Variants in NUCB2 observed in about 807,000 individuals in gnomAD.
The protein encoded by NUCB2 is nucleobindin-2.
A neutral mutation model predicts 57.9 loss-of-function variants in NUCB2; 48 were observed. The observed-to-expected ratio is 0.83, with a 90% CI of 0.66 to 1.05. NUCB2 has a LOEUF of 1.05. Among genes scored for constraint, NUCB2 ranks in the 50% least tolerant of loss-of-function variants. The pLI is 0.00. For missense variants in NUCB2, 442 were observed against 476.2 expected (o/e 0.93, Z 0.67); for synonymous variants, 139 against 152.1 (o/e 0.91, Z 0.64).
intron 2 of NUCB2, among the ~76,000 whole-genome samples, chr11:17,345,479 C>T (rs1306341339): frequency 1.3e-5 from 2 of 152,098 alleles, no homozygotes; most frequent in African/African-American, 2.4e-5. Flanking sequence ...GAGGCCAAGG[C>T]GGGTGGATCA....
chr11:17,294,678 TAAAAAAAAA>T lies in NUCB2; in HGVS notation c.1-631_1-623del, dbSNP rs34406631. Among the ~76,000 whole-genome samples the T allele has an allele frequency of 7.8e-5, 8 of 102,652 alleles. No homozygotes were observed. The South Asian group carries it at 1.6e-3, about 21-fold the overall frequency. The allele number at this position is 102,652 out of a possible 152,430, so 67.3% of individuals were successfully genotyped here. A position where few individuals can be genotyped will look rare whatever the true frequency, so the allele number is the denominator to read the frequency against. ...GTTCTGTGGGTAAAACGTGTTGCCT[TAAAAAAAAA>T]AAAAAAAAAAAAAAGCCATGGCTAG... On this transcript the variant is annotated intron_variant, in intron 2 of 13. Coordinates refer to ENST00000529010, the MANE Select transcript of NUCB2 (RefSeq NM_005013.4).
chr11:17,300,914 T>A (rs1946597900), intron 4 of NUCB2, among the ~76,000 whole-genome samples: 1 of 152,098 alleles, frequency 6.6e-6, no homozygotes, highest in Non-Finnish European at 1.5e-5. Context: ...TTAATGATGC[T>A]TTTCTAAATT....
At chr11:17,334,428 C>T (rs1951642079), downstream of NUCB2, 1 of 152,292 alleles carries the variant, frequency 6.6e-6, no homozygotes, top group Non-Finnish European at 1.5e-5. Flanking sequence ...AAAATAGATA[C>T]ATCTCTTCCT....
In NUCB2 at chr11:17,292,979, T is replaced by C. The variant is rs576633066; in HGVS notation, c.1-2345T>C. On this transcript the variant is annotated intron_variant, in intron 2 of 13. Coordinates refer to ENST00000529010, the MANE Select transcript of NUCB2 (RefSeq NM_005013.4). ...CTTCAAGATGTTGTCAGCGGCTAGG[T>C]GCAGTGGCTCATGCCTGTAATTTCA... Among the ~76,000 whole-genome samples, 460 of 152,180 alleles carry C rather than the reference T, an allele frequency of 3.0e-3. 1 individual carries two copies. The highest frequency in any genetic ancestry group is 0.011 in the African/African-American group (450 of 41,536).
intron 11 of NUCB2, among the ~76,000 whole-genome samples, chr11:17,318,973 C>T (rs550737249): frequency 6.6e-6 from 1 of 151,954 alleles, no homozygotes; most frequent in Admixed American, 6.6e-5. Flanking sequence ...GAGTTTGAGA[C>T]CAGTCTGGGC....
Position 17,318,787 on chromosome 11 carries a change from A to G in NUCB2, c.1002+3312A>G, listed in dbSNP as rs558319221. Among the ~76,000 whole-genome samples, 10 of 152,312 alleles carry G rather than the reference A, an allele frequency of 6.6e-5. No homozygotes were observed. In the East Asian group the frequency reaches 1.9e-3, roughly 29 times the overall value. On this transcript the variant is annotated intron_variant, in intron 11 of 13. Coordinates refer to ENST00000529010, the MANE Select transcript of NUCB2 (RefSeq NM_005013.4). ...GAAGCCACGAGTCTACACTGATATA[A>G]GTAGAGGGAGAGAGAAGGCCGAATT...
At chr11:17,307,851 A>C (rs188612125) in intron 5 of NUCB2, among the ~76,000 whole-genome samples, 1 of 152,278 alleles carries the variant, frequency 6.6e-6, no homozygotes, top group African/African-American at 2.4e-5. Flanking sequence ...ATTTGCCTCC[A>C]TAGAGGTTGT....
chr11:17,332,892 T>G (rs1449030172), downstream of NUCB2: 1 of 152,098 alleles, frequency 6.6e-6, no homozygotes, highest in African/African-American at 2.4e-5. Flanking sequence ...CATTTTTTTT[T>G]GTAGAGATGG....
At position 17,295,451 on chromosome 11, in the gene NUCB2, C is replaced by T. The variant is rs763115401; in HGVS notation, c.128C>T (p.Ala43Val). 3.7e-6 allele frequency: 6 copies of T among 1,608,912 alleles called. No individual in the cohort carries two copies. Among genetic ancestry groups the T allele is most frequent in the South Asian group, 3.3e-5 (3 of 90,254 alleles). The change falls in exon 3 of 14, where the codon GCG becomes GTG. Residue 43 changes from alanine (A) to valine (V), a missense_variant. Coordinates refer to ENST00000529010, the MANE Select transcript of NUCB2 (RefSeq NM_005013.4). ...CAAAATATTCACCCTGTGGAAAGTG[C>T]GAAGATAGAACCACCAGTAAGTGAA... ...KVQNIHPVES[A>V]KIEPPDTGLY...
chr11:17,337,586 A>G (rs1208018522), intron 2 of NUCB2: 2 of 152,198 alleles, frequency 1.3e-5, no homozygotes, highest in Non-Finnish European at 1.5e-5. Context: ...TGAGTGACAA[A>G]ATGTCTGCTT....
intron 5 of NUCB2, among the ~76,000 whole-genome samples, chr11:17,303,388 T>G (rs1170833101): frequency 6.6e-6 from 1 of 152,142 alleles, no homozygotes; most frequent in Non-Finnish European, 1.5e-5. Context: ...GACTTAATAT[T>G]AGGAAATCTA....
At chr11:17,311,612 A>G (rs1948493670) in intron 8 of NUCB2, among the ~76,000 whole-genome samples, 1 of 152,184 alleles carries the variant, frequency 6.6e-6, no homozygotes, top group African/African-American at 2.4e-5. Flanking sequence ...ACTCTCATAG[A>G]ATATTGCTTT....
At chr11:17,317,667 T>C in intron 11 of NUCB2, 1 of 279,276 alleles carries the variant, frequency 3.6e-6, no homozygotes, top group East Asian at 1.0e-4. Context: ...ATGCTCAGTG[T>C]ATCCTATTAG....
At chr11:17,295,635 A>G (rs1945710210) in intron 3 of NUCB2, 168 bp downstream of exon 3, 2 of 600,368 alleles carry the variant, frequency 3.3e-6, no homozygotes, top group African/African-American at 1.9e-5. Flanking sequence ...CTTGGGAACT[A>G]TTTCTGAAAT....
rs1323313835 is a variant in NUCB2 at position 17,315,449 on chromosome 11, G to T, written c.976G>T (p.Glu326Ter). 1.2e-6 allele frequency: 2 copies of T among 1,610,346 alleles called. No individual in the cohort carries two copies. The highest frequency in any genetic ancestry group is 2.7e-5 in the African/African-American group (2 of 74,946). ...GTTTTTGAAAGCCACAGAAAAAAAAGAATTCTTGGAGCCAGATAGCTGGGA... is the reference window on the plus strand; with the variant it reads ...GTTTTTGAAAGCCACAGAAAAAAAATAATTCTTGGAGCCAGATAGCTGGGA... ...EEFLKATEKK[E>*]FLEPDSWETL... Residue 326 changes from glutamate (E) to a stop codon, truncating the protein, a stop_gained, in exon 11 of 14, where the codon GAA becomes TAA. Transcript: ENST00000529010. LOFTEE classifies it high-confidence loss of function.
At chr11:17,313,633 C>T (rs1279370453) in intron 10 of NUCB2, among the ~76,000 whole-genome samples, 2 of 152,036 alleles carry the variant, frequency 1.3e-5, no homozygotes, top group African/African-American at 4.8e-5. Context: ...GTTGTCTATT[C>T]TTCCTCTTCC....
chr11:17,313,008 G>C (rs1948732308), intron 10 of NUCB2, among the ~76,000 whole-genome samples: 2 of 143,446 alleles, frequency 1.4e-5, no homozygotes, highest in Admixed American at 6.8e-5. Flanking sequence ...GCCGCACCAG[G>C]CCGATTTTTA....
At chr11:17,345,613 A>G (rs1448758294) in intron 2 of NUCB2, among the ~76,000 whole-genome samples, 8 of 152,202 alleles carry the variant, frequency 5.3e-5, no homozygotes, top group Non-Finnish European at 7.3e-5. Context: ...AGGCTGAGGC[A>G]GGAGAATCAC....
intron 5 of NUCB2, among the ~76,000 whole-genome samples, chr11:17,307,912 A>G (rs976604879): frequency 3.3e-5 from 5 of 152,308 alleles, no homozygotes; most frequent in Admixed American, 3.3e-4. Flanking sequence ...TACTAATGGC[A>G]TGTGTCATCA....
Sources: allele counts gnomAD v4.1 joint callset (sites outside exome capture counted in the v4.1 genomes callset), GRCh38; gene constraint gnomAD v4.1.1; transcripts MANE v1.5; gene names NCBI Gene and HGNC (gene_info 2026-07-23, HGNC 2026-07-21).